PLXDC2: variants seen among roughly 807,000 people sequenced by gnomAD.
PLXDC2 encodes the protein plexin domain-containing protein 2.
Under a neutral mutation model 68.9 loss-of-function variants are expected in PLXDC2, and 40 were observed. The observed-to-expected ratio is 0.58, with a 90% CI of 0.45 to 0.76. The LOEUF (loss-of-function observed/expected upper bound fraction) is 0.76. PLXDC2 is among the 30% of genes least tolerant of loss of function. The pLI is 0.00. For synonymous variants in PLXDC2, 243 were observed against 234.2 expected (o/e 1.04, Z -0.34); for missense variants, 644 against 661.9 (o/e 0.97, Z 0.30).
intron 3 of PLXDC2, among the ~76,000 whole-genome samples, chr10:20,063,523 A>T (rs1836141165): frequency 6.6e-6 from 1 of 152,200 alleles, no homozygotes; most frequent in Non-Finnish European, 1.5e-5. Flanking sequence ...TTGCAATACC[A>T]CTGAGAAATA....
chr10:20,253,018 TA>T (rs199602844), intron 13 of PLXDC2, among the ~76,000 whole-genome samples: 13 of 151,786 alleles, frequency 8.6e-5, no homozygotes, highest in Non-Finnish European at 1.3e-4. Context: ...ACAGATTAGT[TA>T]AAAAAAATTA....
intron 12 of PLXDC2, among the ~76,000 whole-genome samples, chr10:20,240,825 A>T (rs1835505089): frequency 6.6e-6 from 1 of 152,096 alleles, no homozygotes. Flanking sequence ...AAGCATTTTG[A>T]AATAGTCATT....
intron 9 of PLXDC2, among the ~76,000 whole-genome samples, chr10:20,193,009 T>G (rs1445216647): frequency 6.6e-6 from 1 of 152,076 alleles, no homozygotes; most frequent in Admixed American, 6.6e-5. Flanking sequence ...TGCCTCTTTC[T>G]CTTACAAAAA....
intron 7 of PLXDC2, among the ~76,000 whole-genome samples, chr10:20,170,341 C>T (rs1366543122): frequency 6.6e-6 from 1 of 152,110 alleles, no homozygotes; most frequent in Non-Finnish European, 1.5e-5. Flanking sequence ...CAGGTGCATC[C>T]ACCACGCCCA....
At chr10:20,132,084 A>G (rs1472041856) in intron 4 of PLXDC2, among the ~76,000 whole-genome samples, 1 of 152,152 alleles carries the variant, frequency 6.6e-6, no homozygotes, top group East Asian at 1.9e-4. Flanking sequence ...TAAGATCACT[A>G]TTGATTTCTT....
At chr10:20,201,014 T>C (rs540965664) in intron 9 of PLXDC2, among the ~76,000 whole-genome samples, 1 of 152,136 alleles carries the variant, frequency 6.6e-6, no homozygotes, top group East Asian at 1.9e-4. Context: ...GATCTAGCAA[T>C]CCCACTACTA....
At chr10:20,155,772 C>T (rs1834208541) in intron 6 of PLXDC2, among the ~76,000 whole-genome samples, 1 of 152,096 alleles carries the variant, frequency 6.6e-6, no homozygotes, top group Admixed American at 6.6e-5. Context: ...TTGAATTATT[C>T]TCCCTTGATC....
At chr10:19,963,365 G>C (rs1272199592) in intron 1 of PLXDC2, among the ~76,000 whole-genome samples, 2 of 152,192 alleles carry the variant, frequency 1.3e-5, no homozygotes, top group African/African-American at 2.4e-5. Context: ...GCACTGATTA[G>C]AACCAAGCTT....
intron 1 of PLXDC2, among the ~76,000 whole-genome samples, chr10:19,983,130 A>T (rs1834579821): frequency 1.3e-5 from 2 of 152,162 alleles, no homozygotes; most frequent in South Asian, 4.1e-4. Context: ...GGTAACCTCC[A>T]CTTAATCACT....
chr10:19,834,329 TAG>T (rs72293743), intron 1 of PLXDC2, among the ~76,000 whole-genome samples: 40,394 of 144,330 alleles, frequency 0.28, 5,823 homozygotes, highest in East Asian at 0.46. Flanking sequence ...AAGAGAGAGG[TAG>T]AGAGAGAGAG....
At chr10:19,897,234 T>C (rs1243808902) in intron 1 of PLXDC2, among the ~76,000 whole-genome samples, 1 of 137,200 alleles carries the variant, frequency 7.3e-6, no homozygotes, top group African/African-American at 2.7e-5. Flanking sequence ...TCTCTTTTTT[T>C]TTTTGTTTTT....
chr10:20,165,590 C>T (rs1834364333), intron 7 of PLXDC2, among the ~76,000 whole-genome samples: 1 of 151,944 alleles, frequency 6.6e-6, no homozygotes, highest in Non-Finnish European at 1.5e-5. Context: ...CATCCATGTC[C>T]CTGTGCTATC....
rs578077012 is a variant in PLXDC2, at chr10:19,992,279, C to T, written c.113-9496C>T. 2.6e-5 allele frequency among the ~76,000 whole-genome samples: 4 copies of T among 152,310 alleles called. No individual in the cohort carries two copies. In the East Asian group the frequency reaches 7.7e-4, roughly 29 times the overall value. ...GCTATAAAGCTGCACCCTATCATTT[C>T]ACCAATGGTGGGAAGTTACATACCT... On this transcript the variant is annotated intron_variant, in intron 1 of 13. Transcript: ENST00000377252.
At chr10:19,919,672 A>G (rs562705076) in intron 1 of PLXDC2, among the ~76,000 whole-genome samples, 28 of 152,180 alleles carry the variant, frequency 1.8e-4, no homozygotes, top group Non-Finnish European at 4.1e-4. Context: ...CCTGCAGCTG[A>G]TAGTGGTAAT....
intron 1 of PLXDC2, among the ~76,000 whole-genome samples, chr10:19,966,244 A>G (rs998122568): frequency 8.2e-6 from 1 of 122,466 alleles, no homozygotes; most frequent in East Asian, 2.0e-4. Flanking sequence ...TTAAAATTAG[A>G]TATGTGTATA....
intron 1 of PLXDC2, among the ~76,000 whole-genome samples, chr10:19,924,535 T>C (rs1465297271): frequency 2.4e-4 from 37 of 152,354 alleles, no homozygotes; most frequent in Admixed American, 2.4e-3. Flanking sequence ...AATGTCCTTA[T>C]GTATTCACAG....
intron 9 of PLXDC2, among the ~76,000 whole-genome samples, chr10:20,199,910 T>G (rs1213158221): frequency 6.6e-6 from 1 of 151,962 alleles, no homozygotes; most frequent in Non-Finnish European, 1.5e-5. Flanking sequence ...AAAATATGTA[T>G]TTTTAAATTT....
At chr10:20,047,141 C>T (rs1341321832) in intron 3 of PLXDC2, 126 bp downstream of exon 3, 9 of 954,958 alleles carry the variant, frequency 9.4e-6, no homozygotes, top group African/African-American at 1.7e-5. Flanking sequence ...CTGTGGTAAT[C>T]GCTTTTCAAG....
At chr10:20,118,064 G>A (rs1426899570) in intron 4 of PLXDC2, among the ~76,000 whole-genome samples, 3 of 151,572 alleles carry the variant, frequency 2.0e-5, no homozygotes, top group Non-Finnish European at 4.4e-5. Flanking sequence ...GTATACATAT[G>A]TGTCTATATA....
Sources: gnomAD v4.1 joint callset for allele counts (sites outside exome capture counted in the v4.1 genomes callset) on GRCh38, gnomAD v4.1.1 for gene constraint, MANE v1.5 for transcripts, NCBI Gene and HGNC (gene_info 2026-07-23, HGNC 2026-07-21) for gene names.